Variants in PCDHA8 observed in about 807,000 individuals in gnomAD.
PCDHA8 encodes protocadherin alpha 8.
A neutral mutation model predicts 61.8 loss-of-function variants in PCDHA8; 53 were observed. The ratio of observed to expected loss-of-function variants is 0.86; its 90% CI spans 0.69 to 1.08. PCDHA8 has a LOEUF of 1.08. Ranked by LOEUF, PCDHA8 falls within the 50% of genes least tolerant of loss-of-function variation. The pLI, the probability that PCDHA8 is intolerant of heterozygous loss-of-function variation, is 0.00. For synonymous variants in PCDHA8, 618 were observed against 556.6 expected (o/e 1.11, Z -1.55); for missense variants, 1,293 against 1,245.0 (o/e 1.04, Z -0.58).
intron 1 of PCDHA8, chr5:140,858,501 T>C: frequency 6.8e-7 from 1 of 1,464,942 alleles, no homozygotes; most frequent in Non-Finnish European, 9.4e-7. Context: ...TACCGCATTT[T>C]CTCAAATATG....
At chr5:140,880,242 G>A (rs549683370) in intron 1 of PCDHA8, among the ~76,000 whole-genome samples, 22 of 150,572 alleles carry the variant, frequency 1.5e-4, no homozygotes, top group Admixed American at 7.2e-4. Context: ...GTGTATGTGC[G>A]TGTGTGTATG....
intron 1 of PCDHA8, among the ~76,000 whole-genome samples, chr5:140,923,820 CG>C (rs1297703305): frequency 6.6e-6 from 1 of 152,106 alleles, no homozygotes; most frequent in Non-Finnish European, 1.5e-5. Flanking sequence ...TGAAAATAGA[CG>C]TCAGTGGCAG....
chr5:140,908,456 T>C (rs557022321), intron 1 of PCDHA8, among the ~76,000 whole-genome samples: 2 of 152,174 alleles, frequency 1.3e-5, no homozygotes, highest in South Asian at 4.1e-4. Context: ...GCTAGATGGA[T>C]CAGAAAGCAC....
intron 1 of PCDHA8, chr5:140,848,888 A>T: frequency 6.4e-7 from 1 of 1,564,652 alleles, no homozygotes; most frequent in Non-Finnish European, 8.7e-7. Flanking sequence ...ACAACCCTCC[A>T]GTGTTCCCAG....
intron 2 of PCDHA8, among the ~76,000 whole-genome samples, chr5:140,979,396 G>C (rs2096848299): frequency 6.6e-6 from 1 of 151,692 alleles, no homozygotes; most frequent in South Asian, 2.1e-4. Flanking sequence ...ATACATACAT[G>C]TTGTCTACCT....
chr5:140,995,543 G>A (rs1243799532), intron 3 of PCDHA8, among the ~76,000 whole-genome samples: 1 of 152,144 alleles, frequency 6.6e-6, no homozygotes, highest in Non-Finnish European at 1.5e-5. Context: ...AATAAGGGGC[G>A]ATCACTGTAC....
chr5:140,918,210 A>T (rs2078574076), intron 1 of PCDHA8, among the ~76,000 whole-genome samples: 1 of 152,152 alleles, frequency 6.6e-6, no homozygotes, highest in Non-Finnish European at 1.5e-5. Context: ...TTGTTGGTGT[A>T]CAGAAATGCT....
At chr5:140,904,558 T>C (rs1288543737) in intron 1 of PCDHA8, among the ~76,000 whole-genome samples, 1 of 152,082 alleles carries the variant, frequency 6.6e-6, no homozygotes, top group Non-Finnish European at 1.5e-5. Flanking sequence ...ATAATGACTT[T>C]TTTTTCCTCT....
intron 1 of PCDHA8, among the ~76,000 whole-genome samples, chr5:140,911,635 G>A (rs906127782): frequency 2.0e-5 from 3 of 152,148 alleles, no homozygotes; most frequent in African/African-American, 7.2e-5. Flanking sequence ...ATGGTCAAAG[G>A]TATTACATAT....
chr5:140,859,256 G>C lies in PCDHA8; in HGVS notation c.2394+15541G>C, dbSNP rs182882850. On this transcript the variant is annotated intron_variant, in intron 1 of 3. Transcript: ENST00000531613. Reference sequence around the variant, plus strand: ...TCATGCTTATGTTTAATAATGAAGAGAATTTGAACACTTTTTACTTTTGAG... The same window carrying C: ...TCATGCTTATGTTTAATAATGAAGACAATTTGAACACTTTTTACTTTTGAG... 3 of 131,348 alleles carry C rather than the reference G, an allele frequency of 2.3e-5. 1 individual carries two copies. The highest frequency in any genetic ancestry group is 5.3e-5 in the Non-Finnish European group (3 of 56,988). The allele number at this position is 131,348 out of a possible 1,614,324, so 8.1% of individuals were successfully genotyped here.
intron 1 of PCDHA8, among the ~76,000 whole-genome samples, chr5:140,923,122 C>T (rs1405376878): frequency 6.6e-6 from 1 of 152,130 alleles, no homozygotes; most frequent in Non-Finnish European, 1.5e-5. Context: ...TTTTTAGGGT[C>T]ACACTTTGAA....
chr5:140,999,687 A>G (rs1554256930), intron 3 of PCDHA8, among the ~76,000 whole-genome samples: 2 of 152,044 alleles, frequency 1.3e-5, no homozygotes, highest in Non-Finnish European at 2.9e-5. Flanking sequence ...AGAAAGAAGA[A>G]ATGTGATTTT....
chr5:140,862,382 G>T, intron 1 of PCDHA8: 1 of 345,046 alleles, frequency 2.9e-6, no homozygotes, highest in South Asian at 2.3e-5. Flanking sequence ...GACTCCTCAC[G>T]TCTCTTCAAG....
rs782085408 is a variant in PCDHA8, at chr5:140,870,885, C to A, written c.2394+27170C>A. On this transcript the variant is annotated intron_variant, in intron 1 of 3. Coordinates refer to ENST00000531613, the MANE Select transcript of PCDHA8 (RefSeq NM_018911.3). ...CGGGCCACGTGGTGGCGAAGGTGCG[C>A]GCAGTGGATGCGGACTCAGGCTACA... 5 of 1,613,800 alleles carry A rather than the reference C, an allele frequency of 3.1e-6. No individual in the cohort carries two copies. The African/African-American group carries it at 5.3e-5, about 17-fold the overall frequency.
intron 1 of PCDHA8, among the ~76,000 whole-genome samples, chr5:140,888,562 G>T (rs781854673): frequency 6.6e-6 from 1 of 152,112 alleles, no homozygotes; most frequent in East Asian, 1.9e-4. Flanking sequence ...TCCTTTCAAG[G>T]CTTCATTTTA....
Position 140,911,260 on chromosome 5 carries a change from A to G in PCDHA8, c.2394+67545A>G, listed in dbSNP as rs1178961396. On this transcript the variant is annotated intron_variant, in intron 1 of 3. Transcript: ENST00000531613. ...AAAAAAAGTTTCATCAGAATTTATA[A>G]TCTCAGTGTCCCCAGCTTCATCAGG... is the stretch of plus-strand genomic sequence containing the variant. Among the ~76,000 whole-genome samples, 8 of 152,222 alleles carry G rather than the reference A, an allele frequency of 5.3e-5. 1 individual carries two copies. The highest frequency in any genetic ancestry group is 1.9e-4 in the African/African-American group (8 of 41,520).
chr5:140,890,341 T>C (rs2062601372), intron 1 of PCDHA8, among the ~76,000 whole-genome samples: 1 of 152,190 alleles, frequency 6.6e-6, no homozygotes, highest in Non-Finnish European at 1.5e-5. Context: ...GTTGGGATGG[T>C]TTACTATATA....
chr5:140,972,837 T>C (rs1328315293), intron 1 of PCDHA8, among the ~76,000 whole-genome samples: 1 of 152,004 alleles, frequency 6.6e-6, no homozygotes, highest in Non-Finnish European at 1.5e-5. Context: ...CTAATTTTTG[T>C]ATTTTTAGTA....
chr5:140,849,999 C>A, intron 1 of PCDHA8: 1 of 1,597,044 alleles, frequency 6.3e-7, no homozygotes, highest in East Asian at 2.2e-5. Flanking sequence ...GTTGGGCGAG[C>A]GCTCGCTGTC....
Sources: allele counts gnomAD v4.1 joint callset (sites outside exome capture counted in the v4.1 genomes callset), GRCh38; gene constraint gnomAD v4.1.1; transcripts MANE v1.5; gene names NCBI Gene and HGNC (gene_info 2026-07-23, HGNC 2026-07-21).